NEO1: variants seen among roughly 807,000 people sequenced by gnomAD.
The protein encoded by NEO1 is neogenin.
In NEO1, 63 loss-of-function variants were observed where a neutral mutation model predicts 159.7. That is an observed-to-expected ratio of 0.39 (90% confidence interval 0.32 to 0.49). The LOEUF (loss-of-function observed/expected upper bound fraction) is 0.49, where lower values mean the gene tolerates loss of function less well. NEO1 is among the 20% of genes least tolerant of loss of function. NEO1 has a pLI of 0.85. For synonymous variants in NEO1, 633 were observed against 662.0 expected (o/e 0.96, Z 0.67); for missense variants, 1,615 against 1,831.0 (o/e 0.88, Z 2.15).
At chr15:73,061,346 C>G (rs759016912) in intron 1 of NEO1, among the ~76,000 whole-genome samples, 2 of 152,164 alleles carry the variant, frequency 1.3e-5, no homozygotes, top group Non-Finnish European at 2.9e-5. Flanking sequence ...TATTGCCTAC[C>G]CCTGGCCTTT....
intron 21 of NEO1, 48 bp from the exon 22 acceptor site, chr15:73,278,083 C>CA (rs760073595): frequency 1.9e-6 from 3 of 1,542,358 alleles, no homozygotes; most frequent in Admixed American, 1.7e-5. Context: ...AGTGGACTGT[C>CA]ACGCCAAATG....
intron 1 of NEO1, among the ~76,000 whole-genome samples, chr15:73,092,341 CCTG>C (rs2069740135): frequency 6.6e-6 from 1 of 152,160 alleles, no homozygotes; most frequent in African/African-American, 2.4e-5. Flanking sequence ...TTAAAGCTCA[CCTG>C]CTGAATATCT....
At chr15:73,063,697 G>C (rs940039936) in intron 1 of NEO1, among the ~76,000 whole-genome samples, 1 of 152,016 alleles carries the variant, frequency 6.6e-6, no homozygotes, top group Non-Finnish European at 1.5e-5. Flanking sequence ...ATGAGGCAAA[G>C]TAAAGGCAAA....
chr15:73,100,906 C>T (rs978625584), intron 1 of NEO1, among the ~76,000 whole-genome samples: 1 of 152,164 alleles, frequency 6.6e-6, no homozygotes, highest in African/African-American at 2.4e-5. Flanking sequence ...ACACCACCAC[C>T]CTTCTCTCAT....
chr15:73,156,426 T>A (rs1286490412), intron 5 of NEO1, among the ~76,000 whole-genome samples: 2 of 152,170 alleles, frequency 1.3e-5, no homozygotes, highest in African/African-American at 4.8e-5. Flanking sequence ...GGTAGGCTGA[T>A]TCTTTGGCCA....
At chr15:73,201,954 CTTT>C (rs1206304409) in intron 7 of NEO1, among the ~76,000 whole-genome samples, 2 of 83,454 alleles carry the variant, frequency 2.4e-5, no homozygotes, top group African/African-American at 4.9e-5. Flanking sequence ...CTATATCATT[CTTT>C]TTTTTTTTTT....
At chr15:73,281,648 G>C (rs1032013344) in intron 22 of NEO1, among the ~76,000 whole-genome samples, 3 of 152,126 alleles carry the variant, frequency 2.0e-5, no homozygotes, top group Non-Finnish European at 4.4e-5. Context: ...TGCCTCTTAA[G>C]TACTTCCAAT....
At chr15:73,211,816 C>T (rs1049418291) in intron 7 of NEO1, among the ~76,000 whole-genome samples, 5 of 152,184 alleles carry the variant, frequency 3.3e-5, no homozygotes, top group African/African-American at 1.2e-4. Context: ...TAGGGTTCCC[C>T]TTGAGTCTTT....
intron 9 of NEO1, among the ~76,000 whole-genome samples, chr15:73,248,782 C>T (rs1211020422): frequency 6.6e-6 from 1 of 152,184 alleles, no homozygotes; most frequent in African/African-American, 2.4e-5. Flanking sequence ...GGATCTCTTT[C>T]TGTGGTGGTT....
chr15:73,099,413 A>C (rs2070275364), intron 1 of NEO1, among the ~76,000 whole-genome samples: 2 of 152,216 alleles, frequency 1.3e-5, no homozygotes, highest in South Asian at 4.1e-4. Context: ...TGGTTTACAG[A>C]CCTTGTGAGA....
intron 15 of NEO1, among the ~76,000 whole-genome samples, chr15:73,265,928 A>T (rs1274106377): frequency 6.6e-6 from 1 of 152,232 alleles, no homozygotes; most frequent in Non-Finnish European, 1.5e-5. Flanking sequence ...GTCTGTTCCC[A>T]TCGCTGTCCT....
intron 24 of NEO1, 120 bp downstream of exon 24, chr15:73,288,671 A>T: frequency 1.3e-6 from 1 of 795,058 alleles, no homozygotes; most frequent in South Asian, 1.7e-5. Flanking sequence ...AGATTTAGAG[A>T]AATGTGTATG....
chr15:73,258,839 C>A lies in NEO1; in HGVS notation c.2166C>A (p.Asp722Glu). 6.2e-7 allele frequency: 1 copy of A among 1,613,930 alleles called. No homozygotes were observed. Among genetic ancestry groups the A allele is most frequent in the South Asian group, 1.1e-5 (1 of 91,076 alleles). ...TCAATGGTACAGGCCCGGCAACTGA[C>A]TGGCTGTCTGCTGAAACTTTTGAAA... ...LTINGTGPAT[D>E]WLSAETFESD... Residue 722 changes from aspartate to glutamate, a missense_variant, in exon 14 of 29, where the codon GAC (aspartate) becomes GAA (glutamate). Asp to Glu is a conservative substitution (Grantham distance 45). Around this residue, in one of 3 missense-constraint regions of NEO1, gnomAD observed 1,018 missense variants for 1,115.4 expected, o/e 0.91. Transcript: ENST00000261908.
intron 26 of NEO1, among the ~76,000 whole-genome samples, chr15:73,296,665 C>A (rs1307515503): frequency 6.6e-6 from 1 of 152,154 alleles, no homozygotes; most frequent in Non-Finnish European, 1.5e-5. Context: ...TTCCAAGACC[C>A]TCCCCCTCCC....
intron 5 of NEO1, among the ~76,000 whole-genome samples, chr15:73,173,509 C>G (rs545382474): frequency 6.6e-6 from 1 of 151,978 alleles, no homozygotes; most frequent in Non-Finnish European, 1.5e-5. Flanking sequence ...AAGCTGGATA[C>G]TTAGTAAGTC....
chr15:73,149,322 A>AC (rs1396991057), intron 5 of NEO1, among the ~76,000 whole-genome samples: 2 of 152,102 alleles, frequency 1.3e-5, no homozygotes, highest in African/African-American at 4.8e-5. Context: ...TAAAAAAAAA[A>AC]AAAACAGGGT....
chr15:73,190,079 T>C (rs2036155907), intron 7 of NEO1, among the ~76,000 whole-genome samples: 1 of 152,156 alleles, frequency 6.6e-6, no homozygotes, highest in Non-Finnish European at 1.5e-5. Context: ...TTTATAATTA[T>C]CTATTAAATT....
intron 27 of NEO1, among the ~76,000 whole-genome samples, chr15:73,300,385 T>C (rs932155175): frequency 2.6e-5 from 4 of 152,210 alleles, no homozygotes; most frequent in African/African-American, 9.6e-5. Context: ...TGATATTCCA[T>C]GATAAAAACA....
intron 7 of NEO1, among the ~76,000 whole-genome samples, chr15:73,203,573 G>T (rs2037035082): frequency 6.6e-6 from 1 of 151,958 alleles, no homozygotes; most frequent in Non-Finnish European, 1.5e-5. Flanking sequence ...GCCTTCGTCA[G>T]TTTTGAGTAC....
Sources: allele counts gnomAD v4.1 joint callset (sites outside exome capture counted in the v4.1 genomes callset), GRCh38; gene constraint gnomAD v4.1.1; regional missense constraint gnomAD v4.1.1; transcripts MANE v1.5; gene names NCBI Gene and HGNC (gene_info 2026-07-23, HGNC 2026-07-21).